Variants in FKBP5 observed in about 807,000 individuals in gnomAD.
FKBP5 encodes the protein FKBP prolyl isomerase 5.
Under a neutral mutation model 50.5 loss-of-function variants are expected in FKBP5, and 23 were observed. The ratio of observed to expected loss-of-function variants is 0.46; its 90% confidence interval spans 0.33 to 0.65. The LOEUF (loss-of-function observed/expected upper bound fraction) is 0.65, where lower values mean the gene tolerates loss of function less well. FKBP5 is among the 30% of genes least tolerant of loss of function. FKBP5 has a pLI of 0.02. For synonymous variants in FKBP5, 176 were observed against 190.6 expected, an observed-to-expected ratio of 0.92 and a Z score of 0.63; for missense variants, 411 against 553.1, an observed-to-expected ratio of 0.74 and a Z score of 2.58.
chr6:35,636,825 T>C (rs1764320600), intron 3 of FKBP5, among the ~76,000 whole-genome samples, 189 bp downstream of exon 3: 1 of 152,152 alleles, frequency 6.6e-6, no homozygotes, highest in Non-Finnish European at 1.5e-5. Context: ...TTAGTATTGT[T>C]ATGAAAATAA....
upstream of FKBP5, among the ~76,000 whole-genome samples, chr6:35,689,546 C>T (rs556173067): frequency 3.9e-5 from 6 of 152,216 alleles, no homozygotes; most frequent in East Asian, 5.8e-4. Context: ...AGGAAGAGGC[C>T]TTACGGCTGA....
At chr6:35,583,319 G>A (rs948888896) in intron 8 of FKBP5, 1 of 985,122 alleles carries the variant, frequency 1.0e-6, no homozygotes, top group Non-Finnish European at 1.2e-6. Flanking sequence ...GAGCCAGGGA[G>A]GACAAAAACC....
chr6:35,693,070 T>C (rs530360595), upstream of FKBP5, among the ~76,000 whole-genome samples: 75 of 93,456 alleles, frequency 8.0e-4, no homozygotes, highest in South Asian at 0.024. Context: ...TCAGTCTCTT[T>C]TCAGCTAAAA....
At chr6:35,686,491 A>G (rs1159773464) in intron 1 of FKBP5, among the ~76,000 whole-genome samples, 1 of 152,148 alleles carries the variant, frequency 6.6e-6, no homozygotes, top group Non-Finnish European at 1.5e-5. Context: ...TTATATATTT[A>G]AGTACACTAA....
intron 3 of FKBP5, among the ~76,000 whole-genome samples, chr6:35,631,194 A>T (rs765348764): frequency 6.6e-6 from 1 of 152,224 alleles, no homozygotes; most frequent in Non-Finnish European, 1.5e-5. Context: ...AATAGCCCCA[A>T]ATTGCAAACA....
intron 1 of FKBP5, among the ~76,000 whole-genome samples, chr6:35,648,986 T>C (rs1764708656): frequency 6.6e-6 from 1 of 151,980 alleles, no homozygotes. Flanking sequence ...GCGGGATGGC[T>C]CACATCTGTA....
chr6:35,652,935 T>C (rs1764850720), intron 1 of FKBP5, among the ~76,000 whole-genome samples: 2 of 152,178 alleles, frequency 1.3e-5, no homozygotes, highest in African/African-American at 4.8e-5. Context: ...ACTCTGTCCT[T>C]TTATTTCTCA....
intron 8 of FKBP5, chr6:35,582,425 A>AT: frequency 2.1e-6 from 1 of 484,500 alleles, no homozygotes; most frequent in Non-Finnish European, 2.7e-6. Context: ...GTGGGGCCTC[A>AT]TGATGGGATT....
chr6:35,689,162 G>T (rs1414433441), upstream of FKBP5, among the ~76,000 whole-genome samples: 4 of 152,206 alleles, frequency 2.6e-5, no homozygotes, highest in Non-Finnish European at 5.9e-5. Context: ...TGCCCTTTGT[G>T]GGGGCCATAG....
intron 2 of FKBP5, among the ~76,000 whole-genome samples, chr6:35,720,084 A>G (rs983549886): frequency 6.6e-6 from 1 of 152,190 alleles, no homozygotes; most frequent in African/African-American, 2.4e-5. Flanking sequence ...AGAGCAGGCT[A>G]GGGATCTGAG....
chr6:35,601,785 A>G (rs16878812), intron 5 of FKBP5, among the ~76,000 whole-genome samples: 22,582 of 152,150 alleles, frequency 0.15, 2,089 homozygotes, highest in African/African-American at 0.25. Flanking sequence ...CATCTATGAC[A>G]TGCCCAAAGA....
chr6:35,586,370 T>G, intron 8 of FKBP5: 1 of 985,270 alleles, frequency 1.0e-6, no homozygotes, highest in South Asian at 4.7e-5. Context: ...GGAATCATCT[T>G]GGCCATTAGA....
intron 5 of FKBP5, chr6:35,607,781 C>A: frequency 4.5e-6 from 1 of 221,966 alleles, no homozygotes; most frequent in African/African-American, 2.3e-5. Flanking sequence ...TGGCTTCACC[C>A]CATACGAGCG....
chr6:35,654,774 G>A (rs1764903460), intron 1 of FKBP5, among the ~76,000 whole-genome samples: 1 of 152,072 alleles, frequency 6.6e-6, no homozygotes, highest in Non-Finnish European at 1.5e-5. Flanking sequence ...ACAGGCATGC[G>A]CCACCACGCC....
chr6:35,610,546 T>C (rs1302817769), intron 5 of FKBP5, among the ~76,000 whole-genome samples: 6 of 100,742 alleles, frequency 6.0e-5, no homozygotes, highest in Admixed American at 1.7e-4. Context: ...ATAGCCTGAG[T>C]GACAGAGCAA....
At chr6:35,703,780 C>T (rs1312437717) in intron 2 of FKBP5, among the ~76,000 whole-genome samples, 2 of 152,198 alleles carry the variant, frequency 1.3e-5, no homozygotes, top group Non-Finnish European at 2.9e-5. Flanking sequence ...GACTTCAATT[C>T]TGAAGTGCAC....
chr6:35,623,205 G>A (rs1561862976), intron 3 of FKBP5, among the ~76,000 whole-genome samples: 2 of 152,224 alleles, frequency 1.3e-5, no homozygotes, highest in South Asian at 4.1e-4. Flanking sequence ...TAGCGCCACT[G>A]CACTCCAGCC....
chr6:35,695,337 G>GT (rs1766065495), intron 2 of FKBP5, among the ~76,000 whole-genome samples: 1 of 152,060 alleles, frequency 6.6e-6, no homozygotes, highest in Non-Finnish European at 1.5e-5. Context: ...CTAATCTTTT[G>GT]TATTTTTTAG....
At position 35,619,207 on chromosome 6, in the gene FKBP5, C is replaced by G. The variant is rs767527194; in HGVS notation, c.397G>C (p.Glu133Gln). 1.9e-6 allele frequency: 3 copies of G among 1,607,490 alleles called. No individual in the cohort carries two copies. The Admixed American group carries it at 5.0e-5, about 27-fold the overall frequency. The change falls in exon 5 of 11, where the codon GAG becomes CAG. Residue 133 changes from glutamate to glutamine, a missense_variant. Around this residue, in one of 3 missense-constraint regions of FKBP5, gnomAD observed 267 missense variants for 405.9 expected, o/e 0.66. Coordinates refer to ENST00000357266, the MANE Select transcript of FKBP5 (RefSeq NM_004117.4). The stretch of plus-strand genomic sequence containing the variant: ...TCCTCTCCTTTGAAATCAAGGAGCT[C>G]AATCTAGAAAGAAAAAAGGAATTCA... ...PSNATLFFEI[E>Q]LLDFKGEDLF...
Sources: gnomAD v4.1 joint callset for allele counts (sites outside exome capture counted in the v4.1 genomes callset) on GRCh38, gnomAD v4.1.1 for gene constraint, gnomAD v4.1.1 regional missense constraint, MANE v1.5 for transcripts, NCBI Gene and HGNC (gene_info 2026-07-23, HGNC 2026-07-21) for gene names.